Variants in SREK1IP1 observed in about 807,000 individuals in gnomAD.
The protein encoded by SREK1IP1 is SREK1 interacting protein 1.
A neutral mutation model predicts 22.8 loss-of-function variants in SREK1IP1; 12 were observed. The observed-to-expected ratio is 0.53, with a 90% CI of 0.34 to 0.85. The LOEUF (loss-of-function observed/expected upper bound fraction) is 0.85, where lower values mean the gene tolerates loss of function less well. Ranked by LOEUF, SREK1IP1 falls within the 40% of genes least tolerant of loss-of-function variation. The pLI is 0.02. For missense variants in SREK1IP1, 147 were observed against 171.8 expected, an observed-to-expected ratio of 0.86 and a Z score of 0.81; for synonymous variants, 53 against 52.7, an observed-to-expected ratio of 1.01 and a Z score of -0.02.
chr5:64,724,309 T>C lies in SREK1IP1; in HGVS notation c.*75A>G, dbSNP rs983248307. 12 of 1,314,606 alleles carry C rather than the reference T, an allele frequency of 9.1e-6. No homozygotes were observed. The highest frequency in any genetic ancestry group is 1.1e-5 in the Non-Finnish European group (11 of 963,960). 81.4% of individuals were successfully genotyped at this position (1,314,606 alleles called of 1,614,324 possible). A position where few individuals can be genotyped will look rare whatever the true frequency, so the allele number is the denominator to read the frequency against. On this transcript the variant is annotated 3_prime_UTR_variant, in exon 5 of 5. Transcript: ENST00000513458. ...GTGATTTATTGCAAAGCATAATATA[T>C]AGCAAATTCCAAGGAAGGGCAAACA...
At position 64,755,684 on chromosome 5, in the gene SREK1IP1, A is replaced by G. The variant is rs537917774; in HGVS notation, c.14-1322T>C. On this transcript the variant is annotated intron_variant, in intron 1 of 4. Transcript: ENST00000513458. ...AGGTAACAAACTTGCACATGTATCC[A>G]CTCTGTCTAAAATAAAAGTTGAAAA... Among the ~76,000 whole-genome samples the G allele has an allele frequency of 7.2e-5, 11 of 152,070 alleles. No homozygotes were observed. The East Asian group carries it at 1.9e-3, about 27-fold the overall frequency.
At chr5:64,740,740 C>T (rs1742538751) in intron 3 of SREK1IP1, among the ~76,000 whole-genome samples, 1 of 152,112 alleles carries the variant, frequency 6.6e-6, no homozygotes, top group African/African-American at 2.4e-5. Flanking sequence ...TGTGCTAAAA[C>T]AAATTGCCAA....
chr5:64,720,298 T>A lies in SREK1IP1; in HGVS notation c.*4086A>T. ...ATAAAGAATACAGTAGCTTTATGTGTTTTTAGATGATTTAGGTTACTGTGT... is the reference window on the plus strand; with the variant it reads ...ATAAAGAATACAGTAGCTTTATGTGATTTTAGATGATTTAGGTTACTGTGT... On this transcript the variant is annotated 3_prime_UTR_variant, in exon 5 of 5. Transcript: ENST00000513458. The A allele has an allele frequency of 6.6e-6, 1 of 152,042 alleles. No individual in the cohort carries two copies. Among genetic ancestry groups the A allele is most frequent in the Non-Finnish European group, 1.5e-5 (1 of 68,006 alleles). The allele number at this position is 152,042 out of a possible 1,614,324, so 9.4% of individuals were successfully genotyped here. A position where few individuals can be genotyped will look rare whatever the true frequency, so the allele number is the denominator to read the frequency against.
chr5:64,758,249 A>G (rs1466064099), intron 1 of SREK1IP1, among the ~76,000 whole-genome samples: 3 of 151,516 alleles, frequency 2.0e-5, no homozygotes, highest in African/African-American at 4.9e-5. Flanking sequence ...GCAAACTGCA[A>G]CCTCTGCCTC....
intron 3 of SREK1IP1, among the ~76,000 whole-genome samples, chr5:64,737,562 A>G (rs1742486203): frequency 6.7e-6 from 1 of 150,122 alleles, no homozygotes; most frequent in African/African-American, 2.4e-5. Context: ...CAAACATTAT[A>G]CCTTTAAGAA....
rs1015664269 is a variant in SREK1IP1, at chr5:64,720,067, G to A, written c.*4317C>T. On this transcript the variant is annotated 3_prime_UTR_variant, in exon 5 of 5. Coordinates refer to ENST00000513458, the MANE Select transcript of SREK1IP1 (RefSeq NM_173829.4). ...ACTCTGAAGCAGTTGTGCTTCACAGGTTAAGCCAAATTTTAAAAGCAAGGG... is the reference window on the plus strand; with the variant it reads ...ACTCTGAAGCAGTTGTGCTTCACAGATTAAGCCAAATTTTAAAAGCAAGGG... 2.0e-5 allele frequency: 3 copies of A among 152,128 alleles called. No individual in the cohort carries two copies. Among genetic ancestry groups the A allele is most frequent in the African/African-American group, 7.2e-5 (3 of 41,408 alleles). 9.4% of individuals were successfully genotyped at this position (152,128 alleles called of 1,614,324 possible).
Position 64,722,842 on chromosome 5 carries a change from G to A in SREK1IP1, c.*1542C>T, listed in dbSNP as rs574122143. 6.6e-6 allele frequency: 1 copy of A among 152,358 alleles called. No individual in the cohort carries two copies. Among genetic ancestry groups the A allele is most frequent in the East Asian group, 1.9e-4 (1 of 5,192 alleles). The allele number at this position is 152,358 out of a possible 1,614,324, so 9.4% of individuals were successfully genotyped here. Reference sequence around the variant, plus strand: ...AGCATGGGTAAGCATATGTTAAGAGGAGTTATAAGGCTCCCTGAGTCTTAC... The same window carrying A: ...AGCATGGGTAAGCATATGTTAAGAGAAGTTATAAGGCTCCCTGAGTCTTAC... On this transcript the variant is annotated 3_prime_UTR_variant, in exon 5 of 5. Coordinates refer to ENST00000513458, the MANE Select transcript of SREK1IP1 (RefSeq NM_173829.4).
chr5:64,725,258 T>C (rs1742242989), intron 4 of SREK1IP1, among the ~76,000 whole-genome samples: 1 of 151,906 alleles, frequency 6.6e-6, no homozygotes, highest in Non-Finnish European at 1.5e-5. Context: ...TTCAATTCCT[T>C]CCTCTAATAT....
At chr5:64,753,467 A>G (rs1053570784) in intron 2 of SREK1IP1, among the ~76,000 whole-genome samples, 2 of 152,190 alleles carry the variant, frequency 1.3e-5, no homozygotes, top group Non-Finnish European at 2.9e-5. Context: ...TTGCTACTTG[A>G]GCAAGCTTCC....
intron 4 of SREK1IP1, among the ~76,000 whole-genome samples, chr5:64,727,492 C>A (rs553512766): frequency 1.4e-5 from 2 of 143,230 alleles, no homozygotes; most frequent in South Asian, 4.3e-4. Context: ...AGGCTAAATA[C>A]ATATAAATAC....
At chr5:64,751,938 C>T (rs892218308) in intron 2 of SREK1IP1, among the ~76,000 whole-genome samples, 1 of 152,064 alleles carries the variant, frequency 6.6e-6, no homozygotes, top group Non-Finnish European at 1.5e-5. Flanking sequence ...TTTCCTGCTG[C>T]TGTGATCAAC....
chr5:64,734,103 T>C (rs781601210), intron 3 of SREK1IP1, among the ~76,000 whole-genome samples: 2 of 152,084 alleles, frequency 1.3e-5, no homozygotes, highest in Non-Finnish European at 2.9e-5. Flanking sequence ...GATGTTACCA[T>C]TGAGGGAAAC....
At chr5:64,743,516 C>T (rs1192708705) in intron 2 of SREK1IP1, among the ~76,000 whole-genome samples, 2 of 152,126 alleles carry the variant, frequency 1.3e-5, no homozygotes, top group Non-Finnish European at 2.9e-5. Context: ...GCTTGTTCAA[C>T]TCTTCTCCAT....
chr5:64,745,207 A>AT (rs1561387838), intron 2 of SREK1IP1, among the ~76,000 whole-genome samples: 1 of 152,156 alleles, frequency 6.6e-6, no homozygotes, highest in Non-Finnish European at 1.5e-5. Context: ...TGCTGTTGAC[A>AT]TAACACTTTT....
intron 2 of SREK1IP1, among the ~76,000 whole-genome samples, chr5:64,750,087 C>T (rs1035909124): frequency 2.0e-5 from 3 of 152,094 alleles, no homozygotes; most frequent in African/African-American, 4.8e-5. Flanking sequence ...TACCCCAAGC[C>T]CTGCCACGAG....
chr5:64,749,059 C>CATAATAATAATAATAATA (rs58434271), intron 2 of SREK1IP1, among the ~76,000 whole-genome samples: 2 of 131,642 alleles, frequency 1.5e-5, no homozygotes, highest in Admixed American at 7.7e-5. Context: ...AGCTATGCCA[C>CATAATAATAATAATAATA]ATAATAATAA....
chr5:64,743,028 G>C (rs1742576299), intron 2 of SREK1IP1, among the ~76,000 whole-genome samples: 1 of 152,146 alleles, frequency 6.6e-6, no homozygotes, highest in African/African-American at 2.4e-5. Context: ...ACTGTTATCA[G>C]AGAATGGGAT....
At position 64,724,329 on chromosome 5, in the gene SREK1IP1, C is replaced by A; in HGVS notation, c.*55G>T. ...ATATATAGCAAATTCCAAGGAAGGG[C>A]AAACACGTTTTAAAAACAAATTTTT... On this transcript the variant is annotated 3_prime_UTR_variant, in exon 5 of 5. Transcript: ENST00000513458. 11 of 1,437,256 alleles carry A rather than the reference C, an allele frequency of 7.7e-6. No homozygotes were observed. The highest frequency in any genetic ancestry group is 9.3e-6 in the Non-Finnish European group (10 of 1,073,766). 89.0% of individuals were successfully genotyped at this position (1,437,256 alleles called of 1,614,324 possible).
At chr5:64,752,386 C>T (rs893759059) in intron 2 of SREK1IP1, among the ~76,000 whole-genome samples, 8 of 151,844 alleles carry the variant, frequency 5.3e-5, no homozygotes, top group South Asian at 2.1e-4. Flanking sequence ...CTCCTGACCT[C>T]GTGATCCACC....
Sources: gnomAD v4.1 joint callset for allele counts (sites outside exome capture counted in the v4.1 genomes callset) on GRCh38, gnomAD v4.1.1 for gene constraint, MANE v1.5 for transcripts, NCBI Gene and HGNC (gene_info 2026-07-23, HGNC 2026-07-21) for gene names.